The following BRIP1 variants were observed in gnomAD, a reference collection of about 807,000 sequenced individuals.
BRIP1 encodes Fanconi anemia group J protein.
Under a neutral mutation model 119.7 loss-of-function variants are expected in BRIP1, and 88 were observed. That is an observed-to-expected ratio of 0.74 (90% confidence interval 0.62 to 0.88). BRIP1 has a LOEUF of 0.88. BRIP1 is among the 40% of genes least tolerant of loss of function. The pLI is 0.00. For synonymous variants in BRIP1, 443 were observed against 496.5 expected, an observed-to-expected ratio of 0.89 and a Z score of 1.43; for missense variants, 1,259 against 1,455.4, an observed-to-expected ratio of 0.87 and a Z score of 2.20.
At chr17:61,779,363 G>T (rs1249917549) in intron 13 of BRIP1, among the ~76,000 whole-genome samples, 1 of 152,174 alleles carries the variant, frequency 6.6e-6, no homozygotes, top group Non-Finnish European at 1.5e-5. Context: ...GACTGCCTGA[G>T]CCTGGGAGTT....
At position 61,808,767 on chromosome 17, in the gene BRIP1, A is replaced by T. The variant is rs375646029; in HGVS notation, c.628-10T>A. 4 of 1,610,498 alleles carry T rather than the reference A, an allele frequency of 2.5e-6. No homozygotes were observed. Among genetic ancestry groups the T allele is most frequent in the Non-Finnish European group, 2.5e-6 (3 of 1,179,570 alleles). ...AACAGTGGCCAGGGGGCTGTAAGAA[A>T]GGAAAGAAACGATAACTAATATCTA... On this transcript the variant is annotated splice_polypyrimidine_tract_variant and intron_variant, in intron 6 of 19. Coordinates refer to ENST00000259008, the MANE Select transcript of BRIP1 (RefSeq NM_032043.3). The surrounding 1 kb of genome is among the most constrained non-coding windows in gnomAD (Gnocchi z 4.1).
chr17:61,833,601 G>A (rs2078524994), intron 6 of BRIP1, among the ~76,000 whole-genome samples: 3 of 151,678 alleles, frequency 2.0e-5, no homozygotes, highest in Admixed American at 6.6e-5. Flanking sequence ...AACCCAGGAG[G>A]TGGAGGTTGC....
chr17:61,837,214 A>T (rs2078588120), intron 6 of BRIP1, among the ~76,000 whole-genome samples: 1 of 152,216 alleles, frequency 6.6e-6, no homozygotes, highest in Non-Finnish European at 1.5e-5. Context: ...GGCACATAAC[A>T]CAGTAAGCAC....
chr17:61,684,746 TA>T lies in BRIP1; in HGVS notation c.2906-607del, dbSNP rs1373924055. On this transcript the variant is annotated intron_variant, in intron 19 of 19. Coordinates refer to ENST00000259008, the MANE Select transcript of BRIP1 (RefSeq NM_032043.3). The surrounding 1 kb of genome is among the most constrained non-coding windows in gnomAD (Gnocchi z 4.5). ...ACTTATATACTACAAAATACATGTT[TA>T]AAAATTGATGTTTTTCTTTTTTTTA... 6.6e-6 allele frequency: 1 copy of T among 152,086 alleles called. No individual in the cohort carries two copies. Among genetic ancestry groups the T allele is most frequent in the Non-Finnish European group, 1.5e-5 (1 of 68,010 alleles). The allele number at this position is 152,086 out of a possible 1,614,324, so 9.4% of individuals were successfully genotyped here.
chr17:61,682,225 G>A lies in BRIP1; in HGVS notation c.*1071C>T, dbSNP rs2061279434. Reference sequence around the variant, plus strand: ...TAATCATTGTATAACTAAAGCTTATGCTAGAACAATACCAGAGGGGATAAA... The same window carrying A: ...TAATCATTGTATAACTAAAGCTTATACTAGAACAATACCAGAGGGGATAAA... On this transcript the variant is annotated 3_prime_UTR_variant, in exon 20 of 20. Coordinates refer to ENST00000259008, the MANE Select transcript of BRIP1 (RefSeq NM_032043.3). The surrounding 1 kb of genome is among the most constrained non-coding windows in gnomAD (Gnocchi z 4.9). The A allele has an allele frequency of 5.1e-6, 1 of 197,494 alleles. No individual in the cohort carries two copies. The highest frequency in any genetic ancestry group is 2.3e-5 in the African/African-American group (1 of 43,314). The allele number at this position is 197,494 out of a possible 1,614,324, so 12.2% of individuals were successfully genotyped here. A position where few individuals can be genotyped will look rare whatever the true frequency, so the allele number is the denominator to read the frequency against.
intron 17 of BRIP1, among the ~76,000 whole-genome samples, chr17:61,715,646 AC>A (rs1179559670): frequency 6.6e-6 from 1 of 152,088 alleles, no homozygotes; most frequent in Non-Finnish European, 1.5e-5. Flanking sequence ...ACAAGACAAA[AC>A]TTTTTTGATT....
chr17:61,862,923 A>C lies in BRIP1; in HGVS notation c.-31+361T>G, dbSNP rs2078990628. On this transcript the variant is annotated intron_variant, in intron 1 of 19. Coordinates refer to ENST00000259008, the MANE Select transcript of BRIP1 (RefSeq NM_032043.3). This position sits in a 1 kb window ranked among gnomAD's most constrained non-coding sequence, Gnocchi z 5.3. ...AGGTATGGTGGAATCTAACCTCTTA[A>C]TATGAATCAACAACTCAACGCTGGC... 6.6e-6 allele frequency among the ~76,000 whole-genome samples: 1 copy of C among 152,188 alleles called. No individual in the cohort carries two copies. Among genetic ancestry groups the C allele is most frequent in the African/African-American group, 2.4e-5 (1 of 41,442 alleles).
Position 61,801,455 on chromosome 17 carries a change from T to A in BRIP1, c.938A>T (p.Tyr313Phe). 6.2e-7 allele frequency: 1 copy of A among 1,612,442 alleles called. No individual in the cohort carries two copies. Among genetic ancestry groups the A allele is most frequent in the East Asian group, 2.2e-5 (1 of 44,862 alleles). Residue 313 changes from tyrosine to phenylalanine, a missense_variant, in exon 8 of 20, where the codon TAT (tyrosine) becomes TTT (phenylalanine). By Grantham distance (22) the Tyr-to-Phe change is conservative. Coordinates refer to ENST00000259008, the MANE Select transcript of BRIP1 (RefSeq NM_032043.3). Reference sequence around the variant, plus strand: ...ATCACTAATTTTATGAACTCCATGATAAAAATAGCAGGATTTTCCCTAGAA... The same window carrying A: ...ATCACTAATTTTATGAACTCCATGAAAAAAATAGCAGGATTTTCCCTAGAA... ...DGKNGKSCYFYHGVHKISDQH... is the reference protein window; with the variant it reads ...DGKNGKSCYFFHGVHKISDQH...
At position 61,799,788 on chromosome 17, in the gene BRIP1, C is replaced by G. The variant is rs902282492; in HGVS notation, c.1141-489G>C. On this transcript the variant is annotated intron_variant, in intron 8 of 19. Coordinates refer to ENST00000259008, the MANE Select transcript of BRIP1 (RefSeq NM_032043.3). The surrounding 1 kb of genome is among the most constrained non-coding windows in gnomAD (Gnocchi z 5.1). ...ATTAAAATGACTCTTAAAATACTAA[C>G]ATAATATATATGTTTTGTTTTAATC... 5.9e-5 allele frequency among the ~76,000 whole-genome samples: 9 copies of G among 151,990 alleles called. No homozygotes were observed. The highest frequency in any genetic ancestry group is 3.9e-4 in the East Asian group (2 of 5,192).
At position 61,774,351 on chromosome 17, in the gene BRIP1, C is replaced by T. The variant is rs536420198; in HGVS notation, c.2097+2050G>A. ...ATCACAAAGACAGAAAACCAAACAC[C>T]GCATGTTCTCACTCATAGGTGGGAA... On this transcript the variant is annotated intron_variant, in intron 14 of 19. Transcript: ENST00000259008. This position sits in a 1 kb window ranked among gnomAD's most constrained non-coding sequence, Gnocchi z 5.8. Among the ~76,000 whole-genome samples, 286 of 152,166 alleles carry T rather than the reference C, an allele frequency of 1.9e-3. No homozygotes were observed. Among genetic ancestry groups the T allele is most frequent in the African/African-American group, 6.5e-3 (271 of 41,506 alleles).
At chr17:61,786,082 G>T (rs2077701141) in intron 10 of BRIP1, among the ~76,000 whole-genome samples, 1 of 152,084 alleles carries the variant, frequency 6.6e-6, no homozygotes, top group South Asian at 2.1e-4. Context: ...TACACGTGAT[G>T]ATATCCACGC....
chr17:61,805,474 T>C lies in BRIP1; in HGVS notation c.918+2993A>G, dbSNP rs1473933713. 1.3e-5 allele frequency among the ~76,000 whole-genome samples: 2 copies of C among 152,194 alleles called. No individual in the cohort carries two copies. Among genetic ancestry groups the C allele is most frequent in the African/African-American group, 2.4e-5 (1 of 41,446 alleles). Reference sequence around the variant, plus strand: ...ACTTCTCCCTACCTCAATGCCATCTTTGGATTTTGTTTCTAGTGTAACCAA... The same window carrying C: ...ACTTCTCCCTACCTCAATGCCATCTCTGGATTTTGTTTCTAGTGTAACCAA... On this transcript the variant is annotated intron_variant, in intron 7 of 19. Transcript: ENST00000259008. The surrounding 1 kb of genome is among the most constrained non-coding windows in gnomAD (Gnocchi z 5.6).
Position 61,786,928 on chromosome 17 carries a change from TATATATA to T in BRIP1, c.1474-2511_1474-2505del, listed in dbSNP as rs1350319270. 2.0e-4 allele frequency among the ~76,000 whole-genome samples: 8 copies of T among 40,150 alleles called. No individual in the cohort carries two copies. In the East Asian group the frequency reaches 2.5e-3, roughly 13 times the overall value. 26.3% of individuals were successfully genotyped at this position (40,150 alleles called of 152,430 possible). On this transcript the variant is annotated intron_variant, in intron 10 of 19. Transcript: ENST00000259008. ...TAATGTAAATATAAAAATATATATT[TATATATA>T]ATATATTTATATATAATATATTTAT...
At chr17:61,727,766 GTCTGTC>G (rs1209109058) in intron 16 of BRIP1, among the ~76,000 whole-genome samples, 9 of 31,776 alleles carry the variant, frequency 2.8e-4, no homozygotes, top group Admixed American at 5.9e-4. Context: ...CTGTCTGTCT[GTCTGTC>G]TCTCTCTCTC....
rs550608206 is a variant in BRIP1 at position 61,767,213 on chromosome 17, A to G, written c.2097+9188T>C. 5.3e-5 allele frequency among the ~76,000 whole-genome samples: 8 copies of G among 152,304 alleles called. No individual in the cohort carries two copies. The highest frequency in any genetic ancestry group is 3.9e-4 in the Admixed American group (6 of 15,282). Reference sequence around the variant, plus strand: ...TTCCAATTATCTAGTACAGGAAGAAAACTGGCCATTAAATATAAGGGGGAA... The same window carrying G: ...TTCCAATTATCTAGTACAGGAAGAAGACTGGCCATTAAATATAAGGGGGAA... On this transcript the variant is annotated intron_variant, in intron 14 of 19. Transcript: ENST00000259008. The surrounding 1 kb of genome is among the most constrained non-coding windows in gnomAD (Gnocchi z 5.7).
intron 4 of BRIP1, among the ~76,000 whole-genome samples, chr17:61,855,316 G>A (rs553591958): frequency 2.6e-5 from 4 of 152,242 alleles, no homozygotes; most frequent in South Asian, 4.1e-4. Context: ...GGTCGCTCAC[G>A]CCTATAATCC....
chr17:61,792,413 A>G, intron 10 of BRIP1, among the ~76,000 whole-genome samples: 1 of 152,216 alleles, frequency 6.6e-6, no homozygotes, highest in East Asian at 1.9e-4. Flanking sequence ...AAAACTGGAA[A>G]CCATCAATGT....
Position 61,859,818 on chromosome 17 carries a change from T to C in BRIP1, c.183A>G (p.Leu61=), listed in dbSNP as rs1555618384. 1.2e-6 allele frequency: 2 copies of C among 1,613,462 alleles called. No individual in the cohort carries two copies. The highest frequency in any genetic ancestry group is 1.7e-6 in the Non-Finnish European group (2 of 1,179,424). Residue 61 remains leucine (L), a synonymous_variant, in exon 3 of 20, where the codon TTA becomes TTG. Coordinates refer to ENST00000259008, the MANE Select transcript of BRIP1 (RefSeq NM_032043.3). ...TACCACTAAGAGATTGTTGCCATGCTAAAGCAGAACAAAGTAAGGCTAAGC... is the reference window on the plus strand; with the variant it reads ...TACCACTAAGAGATTGTTGCCATGCCAAAGCAGAACAAAGTAAGGCTAAGC... ...GKSLALLCSA[L]AWQQSLSGKP... is the part of the protein sequence containing the mutation.
intron 14 of BRIP1, among the ~76,000 whole-genome samples, chr17:61,771,034 C>G (rs1475295982): frequency 6.6e-6 from 1 of 152,160 alleles, no homozygotes; most frequent in East Asian, 1.9e-4. Context: ...CTATAAGAGA[C>G]ACACTTTAAA....
Sources: allele counts gnomAD v4.1 joint callset (sites outside exome capture counted in the v4.1 genomes callset), GRCh38; gene constraint gnomAD v4.1.1; non-coding constraint Gnocchi (gnomAD v3.1); transcripts MANE v1.5; gene names NCBI Gene and HGNC (gene_info 2026-07-23, HGNC 2026-07-21).